The following L3MBTL3 variants were observed in gnomAD, a reference collection of about 807,000 sequenced individuals.
L3MBTL3 encodes lethal(3)malignant brain tumor-like protein 3.
In L3MBTL3, 27 loss-of-function variants were observed where a neutral mutation model predicts 102.3. The ratio of observed to expected loss-of-function variants is 0.26; its 90% CI spans 0.19 to 0.36. L3MBTL3 has a LOEUF of 0.36. Among genes scored for constraint, L3MBTL3 ranks in the 10% least tolerant of loss-of-function variants. L3MBTL3 has a pLI of 1.00. For synonymous variants in L3MBTL3, 340 were observed against 320.9 expected (o/e 1.06, Z -0.64); for missense variants, 798 against 955.3 (o/e 0.84, Z 2.17).
intron 3 of L3MBTL3, among the ~76,000 whole-genome samples, chr6:130,048,392 C>T (rs1327392287): frequency 6.6e-6 from 1 of 152,144 alleles, no homozygotes; most frequent in East Asian, 1.9e-4. Flanking sequence ...CTGCTTGAAA[C>T]CCATGAATGT....
chr6:130,055,883 TC>T (rs995563097), intron 8 of L3MBTL3, among the ~76,000 whole-genome samples: 1 of 150,892 alleles, frequency 6.6e-6, no homozygotes, highest in Non-Finnish European at 1.5e-5. Flanking sequence ...TGTCTTCTCT[TC>T]CCTTCCCTTC....
chr6:130,108,048 G>T (rs1785094879), intron 19 of L3MBTL3, among the ~76,000 whole-genome samples: 1 of 152,030 alleles, frequency 6.6e-6, no homozygotes, highest in Non-Finnish European at 1.5e-5. Flanking sequence ...GCACTGCTTG[G>T]ATTTAAATCT....
intron 3 of L3MBTL3, among the ~76,000 whole-genome samples, chr6:130,044,913 A>G (rs1780633569): frequency 6.6e-6 from 1 of 152,104 alleles, no homozygotes; most frequent in African/African-American, 2.4e-5. Flanking sequence ...TTCTTTGCCT[A>G]TTTTATCCTA....
intron 22 of L3MBTL3, among the ~76,000 whole-genome samples, chr6:130,137,482 TAA>T (rs1787815310): frequency 1.3e-5 from 2 of 152,228 alleles, no homozygotes; most frequent in Admixed American, 1.3e-4. Context: ...CTGTATGTAA[TAA>T]AGAGTTTGGA....
chr6:130,019,080 G>A (rs1317012710), intron 1 of L3MBTL3, among the ~76,000 whole-genome samples: 2 of 152,000 alleles, frequency 1.3e-5, no homozygotes. Flanking sequence ...CGTGCGGAAG[G>A]GAGCCGGGGC....
intron 19 of L3MBTL3, among the ~76,000 whole-genome samples, chr6:130,107,188 G>C (rs993209082): frequency 7.6e-6 from 1 of 131,408 alleles, no homozygotes; most frequent in Non-Finnish European, 1.6e-5. Context: ...GCTCTGTAGA[G>C]GTGTTCATAG....
At position 130,078,628 on chromosome 6, in the gene L3MBTL3, C is replaced by T. The variant is rs1000364950; in HGVS notation, c.1315C>T (p.Pro439Ser). The change falls in exon 14 of 23, where the codon CCA (proline) becomes TCA (serine). Residue 439 changes from proline to serine, a missense_variant. By Grantham distance (74) the Pro-to-Ser change is moderately conservative. Transcript: ENST00000361794. ...CKEHRRTLIT[P>S]PGYPNVKHFS... Reference sequence around the variant, plus strand: ...GGAACATAGAAGAACCCTTATTACTCCACCAGGTGTGTGTTTTTTTAATGT... The same window carrying T: ...GGAACATAGAAGAACCCTTATTACTTCACCAGGTGTGTGTTTTTTTAATGT... 1 of 1,599,330 alleles carries T rather than the reference C, an allele frequency of 6.3e-7. No individual in the cohort carries two copies. Among genetic ancestry groups the T allele is most frequent in the Non-Finnish European group, 8.6e-7 (1 of 1,167,626 alleles).
chr6:130,089,689 T>TA (rs1443368410), intron 16 of L3MBTL3, among the ~76,000 whole-genome samples: 2 of 152,136 alleles, frequency 1.3e-5, no homozygotes, highest in Non-Finnish European at 2.9e-5. Context: ...ACCAAAAGTG[T>TA]AAAGTGTTCC....
intron 3 of L3MBTL3, among the ~76,000 whole-genome samples, chr6:130,046,917 G>A (rs970920446): frequency 6.6e-6 from 1 of 152,150 alleles, no homozygotes; most frequent in Non-Finnish European, 1.5e-5. Context: ...ATGTTAGCAG[G>A]ACCTATCAAC....
Position 130,131,966 on chromosome 6 carries a change from T to TG in L3MBTL3, c.1967-1485dup, listed in dbSNP as rs1477946715. On this transcript the variant is annotated intron_variant, in intron 20 of 22. Coordinates refer to ENST00000361794, the MANE Select transcript of L3MBTL3 (RefSeq NM_032438.4). ...TGCCTTAACCATCTGGGAATGCAGT[T>TG]GTCTCAGACCCAGTAGGTATCAGCC... 2.0e-4 allele frequency among the ~76,000 whole-genome samples: 31 copies of TG among 152,334 alleles called. No homozygotes were observed. The East Asian group carries it at 6.0e-3, about 29-fold the overall frequency.
In L3MBTL3 at chr6:130,071,095, T is replaced by C. The variant is rs1266217120; in HGVS notation, c.1212T>C (p.His404=). 6.2e-7 allele frequency: 1 copy of C among 1,613,122 alleles called. No homozygotes were observed. The highest frequency in any genetic ancestry group is 1.3e-5 in the African/African-American group (1 of 74,858). Residue 404 remains histidine (H), a synonymous_variant, in exon 13 of 23, where the codon CAT becomes CAC. Coordinates refer to ENST00000361794, the MANE Select transcript of L3MBTL3 (RefSeq NM_032438.4). ...TGGTGGACAATCGTTTCCTGGTACA[T>C]TTTGACAACTGGGATGAGAGCTATG... ...TDMVDNRFLV[H]FDNWDESYDY...
intron 16 of L3MBTL3, among the ~76,000 whole-genome samples, chr6:130,089,068 A>T (rs528678900): frequency 4.6e-5 from 7 of 151,354 alleles, no homozygotes; most frequent in Admixed American, 3.9e-4. Flanking sequence ...CTATCTTTTT[A>T]TTATTATTAT....
At chr6:130,024,022 C>T (rs1348234289) in intron 2 of L3MBTL3, among the ~76,000 whole-genome samples, 2 of 152,028 alleles carry the variant, frequency 1.3e-5, no homozygotes, top group Non-Finnish European at 2.9e-5. Context: ...GAAAGAAATA[C>T]TTTAAAATGA....
chr6:130,086,382 T>G, intron 16 of L3MBTL3, 132 bp downstream of exon 16: 1 of 652,758 alleles, frequency 1.5e-6, no homozygotes, highest in Non-Finnish European at 2.7e-6. Context: ...TAATTGGCTG[T>G]GCATCTTTGT....
chr6:130,030,381 G>A (rs969589824), intron 2 of L3MBTL3, among the ~76,000 whole-genome samples: 5 of 151,868 alleles, frequency 3.3e-5, no homozygotes, highest in African/African-American at 1.2e-4. Context: ...ATTTAAACCC[G>A]GCCGGGTGCG....
chr6:130,053,451 C>T (rs57189578), intron 7 of L3MBTL3, among the ~76,000 whole-genome samples: 3,967 of 152,006 alleles, frequency 0.026, 164 homozygotes, highest in African/African-American at 0.09. Context: ...CTGGCTAACC[C>T]GGTGAAACCC....
At chr6:130,094,776 A>G (rs543804686) in intron 18 of L3MBTL3, among the ~76,000 whole-genome samples, 1 of 152,336 alleles carries the variant, frequency 6.6e-6, no homozygotes, top group Admixed American at 6.5e-5. Flanking sequence ...AACAGCAAAG[A>G]TCACAAAATG....
Position 130,094,295 on chromosome 6 carries a change from A to G in L3MBTL3, c.1664A>G (p.His555Arg), listed in dbSNP as rs200390193. 3.1e-6 allele frequency: 5 copies of G among 1,613,818 alleles called. No individual in the cohort carries two copies. Among genetic ancestry groups the G allele is most frequent in the East Asian group, 4.5e-5 (2 of 44,862 alleles). The change falls in exon 18 of 23, where the codon CAT becomes CGT. Residue 555 changes from histidine (H) to arginine (R), a missense_variant. Transcript: ENST00000361794. The stretch of plus-strand genomic sequence containing the variant: ...TTAGAATTAATGGAAGCTTCAGAAC[A>G]TGGTGGATGCTCAACCCCGGGATGT... ...SPLELMEASE[H>R]GGCSTPGCKG... is the part of the protein sequence containing the mutation.
At chr6:130,110,825 G>A (rs984789737) in intron 19 of L3MBTL3, among the ~76,000 whole-genome samples, 5 of 152,118 alleles carry the variant, frequency 3.3e-5, no homozygotes, top group Admixed American at 2.6e-4. Flanking sequence ...TATTGGCTAT[G>A]GGTTTGTCAT....
Sources: allele counts gnomAD v4.1 joint callset (sites outside exome capture counted in the v4.1 genomes callset), GRCh38; gene constraint gnomAD v4.1.1; transcripts MANE v1.5; gene names NCBI Gene and HGNC (gene_info 2026-07-23, HGNC 2026-07-21).